The following CALN1 variants were observed in gnomAD, a reference collection of about 807,000 sequenced individuals.
The protein encoded by CALN1 is calcium-binding protein 8.
Under a neutral mutation model 30.6 loss-of-function variants are expected in CALN1, and 17 were observed. The ratio of observed to expected loss-of-function variants is 0.56; its 90% CI spans 0.38 to 0.83. The LOEUF (loss-of-function observed/expected upper bound fraction) is 0.83, where lower values mean the gene tolerates loss of function less well. Ranked by LOEUF, CALN1 falls within the 40% of genes least tolerant of loss-of-function variation. The pLI, the probability that CALN1 is intolerant of heterozygous loss-of-function variation, is 0.00. For synonymous variants in CALN1, 156 were observed against 131.4 expected (o/e 1.19, Z -1.28); for missense variants, 291 against 354.9 (o/e 0.82, Z 1.45).
intron 2 of CALN1, among the ~76,000 whole-genome samples, chr7:72,390,674 A>G (rs1805522974): frequency 6.6e-6 from 1 of 152,098 alleles, no homozygotes; most frequent in Admixed American, 6.5e-5. Flanking sequence ...CTATTTTACT[A>G]TCATGTTCCC....
rs1037269726 is a variant in CALN1, at chr7:71,972,318, C to T, written c.501+51339G>A. 3.3e-5 allele frequency among the ~76,000 whole-genome samples: 5 copies of T among 152,204 alleles called. 1 individual carries two copies. The East Asian group carries it at 5.8e-4, about 18-fold the overall frequency. On this transcript the variant is annotated intron_variant, in intron 5 of 6. Transcript: ENST00000395275. Reference sequence around the variant, plus strand: ...TTGCACGCTCAGGGAGAAGAAACTTCGTGTATATCTGACTCGAAAATTGTG... The same window carrying T: ...TTGCACGCTCAGGGAGAAGAAACTTTGTGTATATCTGACTCGAAAATTGTG...
chr7:72,126,789 C>A (rs1808795953), intron 3 of CALN1, among the ~76,000 whole-genome samples: 1 of 126,122 alleles, frequency 7.9e-6, no homozygotes, highest in Admixed American at 8.6e-5. Context: ...GCCATTATTT[C>A]ATTCTCTTTT....
At chr7:72,376,191 C>G in intron 2 of CALN1, among the ~76,000 whole-genome samples, 1 of 152,268 alleles carries the variant, frequency 6.6e-6, no homozygotes, top group South Asian at 2.1e-4. Context: ...GTCAATAATT[C>G]TGCTACAAGC....
At chr7:71,883,859 A>G (rs147099068) in intron 5 of CALN1, among the ~76,000 whole-genome samples, 58 of 152,244 alleles carry the variant, frequency 3.8e-4, no homozygotes, top group East Asian at 3.3e-3. Context: ...CATGGCTTCT[A>G]TTTATATGTC....
At position 72,023,736 on chromosome 7, in the gene CALN1, G is replaced by T. The variant is rs1335000048; in HGVS notation, c.422C>A (p.Thr141Asn). ...DGQVDFDEFM[T>N]ILGPKLVSSE... is the part of the protein sequence containing the mutation. ...AGACACCAGTTTGGGGCCAAGAATGGTCATGAATTCATCAAAATCCACCTG... is the reference window on the plus strand; with the variant it reads ...AGACACCAGTTTGGGGCCAAGAATGTTCATGAATTCATCAAAATCCACCTG... Residue 141 changes from threonine (T) to asparagine (N), a missense_variant, in exon 5 of 7, where the codon ACC becomes AAC. Thr to Asn is a moderately conservative substitution (Grantham distance 65). Coordinates refer to ENST00000395275, the MANE Select transcript of CALN1 (RefSeq NM_031468.4). 3 of 1,613,960 alleles carry T rather than the reference G, an allele frequency of 1.9e-6. No individual in the cohort carries two copies. The highest frequency in any genetic ancestry group is 1.1e-5 in the South Asian group (1 of 91,058).
chr7:72,334,674 G>T (rs1027846589), intron 2 of CALN1, among the ~76,000 whole-genome samples: 1 of 152,222 alleles, frequency 6.6e-6, no homozygotes, highest in Non-Finnish European at 1.5e-5. Context: ...GGCAATAGTT[G>T]CTTTCAGAGT....
chr7:72,272,842 G>A (rs1797084314), intron 3 of CALN1, among the ~76,000 whole-genome samples: 1 of 151,990 alleles, frequency 6.6e-6, no homozygotes, highest in African/African-American at 2.4e-5. Flanking sequence ...GCTCATTTGG[G>A]GAACACAACT....
chr7:72,330,472 A>T (rs1801593350), intron 2 of CALN1, among the ~76,000 whole-genome samples: 1 of 150,970 alleles, frequency 6.6e-6, no homozygotes, highest in African/African-American at 2.4e-5. Flanking sequence ...TCTCCAAAAA[A>T]AAAAAAAAAA....
At chr7:71,810,608 GA>G (rs1337978797) in intron 5 of CALN1, 116 bp from the exon 6 acceptor site, 5 of 958,108 alleles carry the variant, frequency 5.2e-6, no homozygotes, top group Non-Finnish European at 7.7e-6. Context: ...AGCGTTTCAG[GA>G]TATCAGGTGA....
chr7:72,290,605 G>A (rs1418895002), intron 2 of CALN1, among the ~76,000 whole-genome samples: 1 of 152,152 alleles, frequency 6.6e-6, no homozygotes, highest in Non-Finnish European at 1.5e-5. Context: ...AAAATACCCA[G>A]AGTGGTTACT....
intron 6 of CALN1, among the ~76,000 whole-genome samples, chr7:71,807,369 G>C (rs1436971955): frequency 6.6e-6 from 1 of 152,142 alleles, no homozygotes; most frequent in African/African-American, 2.4e-5. Flanking sequence ...TGCAACCAGG[G>C]AGGCTCTTTC....
intron 5 of CALN1, among the ~76,000 whole-genome samples, chr7:71,931,953 G>A (rs1269160478): frequency 1.3e-5 from 2 of 152,172 alleles, no homozygotes; most frequent in African/African-American, 2.4e-5. Flanking sequence ...GAGAATCAGG[G>A]CAGTTGGCAT....
chr7:72,234,990 C>G (rs1370916603), intron 3 of CALN1, among the ~76,000 whole-genome samples: 1 of 152,092 alleles, frequency 6.6e-6, no homozygotes, highest in Non-Finnish European at 1.5e-5. Flanking sequence ...TAAAACAGAC[C>G]TGGTGTGGTG....
At chr7:72,096,504 T>C (rs1051749046) in intron 4 of CALN1, among the ~76,000 whole-genome samples, 7 of 147,696 alleles carry the variant, frequency 4.7e-5, no homozygotes, top group African/African-American at 7.6e-5. Flanking sequence ...CCTGATGTGA[T>C]TGTTAAAGGA....
chr7:72,075,653 C>G (rs1322571767), intron 4 of CALN1, among the ~76,000 whole-genome samples: 3 of 152,138 alleles, frequency 2.0e-5, no homozygotes, highest in African/African-American at 7.2e-5. Flanking sequence ...TGACAATGCT[C>G]AAGCCCAACC....
intron 5 of CALN1, among the ~76,000 whole-genome samples, chr7:71,951,521 G>GCGGA (rs1435662075): frequency 6.6e-6 from 1 of 152,166 alleles, no homozygotes; most frequent in Non-Finnish European, 1.5e-5. Context: ...AACCCAGGAG[G>GCGGA]CGGAGGTTGC....
At chr7:72,421,508 T>C (rs1807606616) in intron 1 of CALN1, among the ~76,000 whole-genome samples, 1 of 152,074 alleles carries the variant, frequency 6.6e-6, no homozygotes, top group East Asian at 1.9e-4. Flanking sequence ...CATGGTGTCA[T>C]TTTGTCTTTA....
chr7:72,084,789 G>A (rs1200465380), intron 4 of CALN1, among the ~76,000 whole-genome samples: 1 of 152,138 alleles, frequency 6.6e-6, no homozygotes, highest in African/African-American at 2.4e-5. Context: ...CTCACCTGTG[G>A]ATTCACTTTC....
At chr7:72,069,507 T>C (rs1804246429) in intron 4 of CALN1, among the ~76,000 whole-genome samples, 1 of 152,156 alleles carries the variant, frequency 6.6e-6, no homozygotes, top group Non-Finnish European at 1.5e-5. Flanking sequence ...GCTTGTGGTG[T>C]CTCCAGTATC....
Sources: gnomAD v4.1 joint callset for allele counts (sites outside exome capture counted in the v4.1 genomes callset) on GRCh38, gnomAD v4.1.1 for gene constraint, MANE v1.5 for transcripts, NCBI Gene and HGNC (gene_info 2026-07-23, HGNC 2026-07-21) for gene names.